Variants in FOXP2 observed in about 807,000 individuals in gnomAD.
FOXP2 encodes forkhead box P2, also known as forkhead box protein P2.
In FOXP2, 12 loss-of-function variants were observed where a neutral mutation model predicts 115.8. That is an observed-to-expected ratio of 0.10 (90% CI 0.07 to 0.17). The LOEUF is 0.17. FOXP2 is among the 10% of genes least tolerant of loss of function. The pLI, the probability that FOXP2 is intolerant of heterozygous loss-of-function variation, is 1.00. For synonymous variants in FOXP2, 328 were observed against 297.7 expected (o/e 1.10, Z -1.05); for missense variants, 629 against 843.5 (o/e 0.75, Z 3.15).
At chr7:114,410,322 G>A (rs1276281239), upstream of FOXP2, among the ~76,000 whole-genome samples, 4 of 152,050 alleles carry the variant, frequency 2.6e-5, no homozygotes, top group Admixed American at 1.3e-4. Context: ...AGAGTACTCT[G>A]TACGTAGAAG....
intron 2 of FOXP2, among the ~76,000 whole-genome samples, chr7:114,392,937 T>C (rs973113795): frequency 6.6e-6 from 1 of 152,182 alleles, no homozygotes; most frequent in African/African-American, 2.4e-5. Context: ...GAATCAGTGC[T>C]GACGTACAGA....
chr7:114,347,678 A>G (rs1337699243), intron 2 of FOXP2, among the ~76,000 whole-genome samples: 1 of 152,086 alleles, frequency 6.6e-6, no homozygotes, highest in African/African-American at 2.4e-5. Flanking sequence ...ATACTTTGTC[A>G]ATTGCCATAG....
upstream of FOXP2, among the ~76,000 whole-genome samples, chr7:114,158,362 A>AT (rs987725103): frequency 1.2e-3 from 180 of 149,090 alleles, 1 homozygote; most frequent in African/African-American, 3.3e-3. Flanking sequence ...GTTGGTATTT[A>AT]TTTTTTTTTT....
At chr7:114,513,589 G>A (rs1228405884) in intron 2 of FOXP2, among the ~76,000 whole-genome samples, 6 of 152,058 alleles carry the variant, frequency 3.9e-5, no homozygotes, top group Admixed American at 2.6e-4. Context: ...TGTAGTAGAT[G>A]TCCTCAGTGA....
chr7:114,397,301 T>C (rs945127547), intron 2 of FOXP2, among the ~76,000 whole-genome samples: 1 of 152,158 alleles, frequency 6.6e-6, no homozygotes, highest in Non-Finnish European at 1.5e-5. Context: ...ATATATCCCA[T>C]ACCGATCACT....
At chr7:114,154,249 G>T (rs939672951) in intron 1 of FOXP2, among the ~76,000 whole-genome samples, 1 of 151,982 alleles carries the variant, frequency 6.6e-6, no homozygotes, top group Admixed American at 6.6e-5. Flanking sequence ...TGAACTGAAG[G>T]TAATTACATA....
chr7:114,274,739 C>T (rs1306918944), intron 1 of FOXP2, among the ~76,000 whole-genome samples: 4 of 151,278 alleles, frequency 2.6e-5, no homozygotes, highest in Admixed American at 2.6e-4. Context: ...TTTCAACCAC[C>T]CAGGTAGCTG....
At chr7:114,289,899 C>T (rs1209727142) in intron 2 of FOXP2, among the ~76,000 whole-genome samples, 1 of 151,752 alleles carries the variant, frequency 6.6e-6, no homozygotes, top group Non-Finnish European at 1.5e-5. Flanking sequence ...GAATTTTGAA[C>T]CCTTGAGCTG....
At chr7:114,670,251 G>C (rs1201043510) in intron 16 of FOXP2, among the ~76,000 whole-genome samples, 1 of 151,864 alleles carries the variant, frequency 6.6e-6, no homozygotes, top group Non-Finnish European at 1.5e-5. Context: ...TAATATATTG[G>C]ATATAATATA....
intron 1 of FOXP2, among the ~76,000 whole-genome samples, chr7:114,174,249 A>G (rs909601583): frequency 6.6e-6 from 1 of 151,894 alleles, no homozygotes; most frequent in Non-Finnish European, 1.5e-5. Flanking sequence ...TCTAACCTGT[A>G]TTGTGTAATA....
chr7:114,131,720 CAA>C (rs1791884479), intron 1 of FOXP2, among the ~76,000 whole-genome samples: 2 of 152,142 alleles, frequency 1.3e-5, no homozygotes. Context: ...TTGAGATCCT[CAA>C]ACTAAATATC....
chr7:114,328,184 G>C (rs887056751), intron 2 of FOXP2, among the ~76,000 whole-genome samples: 1 of 150,672 alleles, frequency 6.6e-6, no homozygotes, highest in Non-Finnish European at 1.5e-5. Context: ...CTCCCAAAGT[G>C]CTGAGATTAC....
At chr7:114,471,785 A>G (rs1276138276) in intron 2 of FOXP2, among the ~76,000 whole-genome samples, 4 of 150,412 alleles carry the variant, frequency 2.7e-5, no homozygotes, top group Non-Finnish European at 5.9e-5. Flanking sequence ...CCCCATCTCC[A>G]CTAAAAATAC....
rs144013874 is a variant in FOXP2, at chr7:114,123,641, T to C, written c.-247+35803T>C. Reference sequence around the variant, plus strand: ...TGTTTGAACATAATCTGGTTCTCTCTGACTAGTTATGTATTACATATTTAT... The same window carrying C: ...TGTTTGAACATAATCTGGTTCTCTCCGACTAGTTATGTATTACATATTTAT... On this transcript the variant is annotated intron_variant, in intron 1 of 19. Transcript: ENST00000635638. Among the ~76,000 whole-genome samples, 317 of 152,232 alleles carry C rather than the reference T, an allele frequency of 2.1e-3. 2 individuals carry two copies. The highest frequency in any genetic ancestry group is 7.2e-3 in the African/African-American group (301 of 41,542).
At chr7:114,623,560 G>C (rs527623743) in intron 3 of FOXP2, among the ~76,000 whole-genome samples, 1 of 151,914 alleles carries the variant, frequency 6.6e-6, no homozygotes, top group East Asian at 1.9e-4. Flanking sequence ...ATATGGTGTA[G>C]CATATTATAT....
chr7:114,420,185 A>G (rs535323323), intron 1 of FOXP2, among the ~76,000 whole-genome samples: 1 of 151,902 alleles, frequency 6.6e-6, no homozygotes, highest in Non-Finnish European at 1.5e-5. Context: ...TGCCATCACA[A>G]GAGAAGTACA....
intron 2 of FOXP2, among the ~76,000 whole-genome samples, chr7:114,519,063 A>G (rs192998417): frequency 8.4e-4 from 128 of 152,236 alleles, no homozygotes; most frequent in African/African-American, 3.0e-3. Flanking sequence ...CTGTAGATAG[A>G]TGTGCTCAAG....
intron 2 of FOXP2, among the ~76,000 whole-genome samples, chr7:114,452,439 A>T (rs1466769677): frequency 2.0e-5 from 3 of 152,084 alleles, no homozygotes; most frequent in African/African-American, 7.2e-5. Flanking sequence ...TATTTCTGTC[A>T]TAGACAAATG....
intron 1 of FOXP2, among the ~76,000 whole-genome samples, chr7:114,235,029 T>G (rs1260780177): frequency 2.0e-5 from 3 of 152,216 alleles, no homozygotes; most frequent in Non-Finnish European, 4.4e-5. Context: ...AATAGTTGAC[T>G]ACCTCAGAAT....
Sources: allele counts gnomAD v4.1 joint callset (sites outside exome capture counted in the v4.1 genomes callset), GRCh38; gene constraint gnomAD v4.1.1; transcripts MANE v1.5; gene names NCBI Gene and HGNC (gene_info 2026-07-23, HGNC 2026-07-21).